Variants in ATAD5 observed in about 807,000 individuals in gnomAD.
The protein encoded by ATAD5 is ATPase family AAA domain containing 5.
A neutral mutation model predicts 176.9 loss-of-function variants in ATAD5; 58 were observed. The ratio of observed to expected loss-of-function variants is 0.33; its 90% confidence interval spans 0.27 to 0.41. ATAD5 has a LOEUF of 0.41. Ranked by LOEUF, ATAD5 falls within the 10% of genes least tolerant of loss-of-function variation. ATAD5 has a pLI of 1.00. For synonymous variants in ATAD5, 640 were observed against 712.6 expected, an observed-to-expected ratio of 0.90 and a Z score of 1.62; for missense variants, 1,789 against 2,094.1, an observed-to-expected ratio of 0.85 and a Z score of 2.84.
At chr17:30,850,833 T>TTATTTATATATATA (rs1906851454) in intron 6 of ATAD5, among the ~76,000 whole-genome samples, 1 of 27,832 alleles carries the variant, frequency 3.6e-5, no homozygotes, top group Admixed American at 5.1e-4. Context: ...TTATATATTT[T>TTATTTATATATATA]TATATATATA....
At chr17:30,865,266 G>C (rs913565354) in intron 10 of ATAD5, among the ~76,000 whole-genome samples, 4 of 150,688 alleles carry the variant, frequency 2.7e-5, no homozygotes, top group Non-Finnish European at 4.4e-5. Context: ...TCCGCCTCCC[G>C]GGTTCACACC....
At chr17:30,841,327 T>C (rs1187174689) in intron 4 of ATAD5, among the ~76,000 whole-genome samples, 1 of 152,166 alleles carries the variant, frequency 6.6e-6, no homozygotes, top group Non-Finnish European at 1.5e-5. Context: ...TCACACAGAA[T>C]TGTTCATTTC....
chr17:30,840,500 T>C, intron 3 of ATAD5, 117 bp from the exon 4 acceptor site: 1 of 777,290 alleles, frequency 1.3e-6, no homozygotes, highest in Non-Finnish European at 1.9e-6. Context: ...CCTGGTAAGA[T>C]TTGAATAACC....
intron 14 of ATAD5, among the ~76,000 whole-genome samples, chr17:30,875,691 G>C (rs140997505): frequency 3.3e-5 from 5 of 151,902 alleles, no homozygotes; most frequent in South Asian, 2.1e-4. Flanking sequence ...CAGCTACTTG[G>C]GGGGCTGGGC....
rs1404353677 is a variant in ATAD5 at position 30,844,846 on chromosome 17, G to A, written c.2380G>A (p.Val794Ile). ...STKNVPGKMK[V>I]APLFLVRKAQ... ...TTTATTTTTCTAAGGAAAAATGAAAGTCGCTCCTTTATTTCTTGTCAGAAA... is the reference window on the plus strand; with the variant it reads ...TTTATTTTTCTAAGGAAAAATGAAAATCGCTCCTTTATTTCTTGTCAGAAA... Residue 794 changes from valine to isoleucine, a missense_variant, in exon 6 of 23, where the codon GTC (valine) becomes ATC (isoleucine). Physicochemically the swap from Val to Ile is conservative, Grantham distance 29. This residue lies in a region of ATAD5 where 487 missense variants were observed against 573.6 expected (regional missense o/e 0.85). Coordinates refer to ENST00000321990, the MANE Select transcript of ATAD5 (RefSeq NM_024857.5). 1 of 1,582,002 alleles carries A rather than the reference G, an allele frequency of 6.3e-7. No homozygotes were observed. The highest frequency in any genetic ancestry group is 8.6e-7 in the Non-Finnish European group (1 of 1,166,332).
At chr17:30,849,201 G>A (rs1906719220) in intron 6 of ATAD5, among the ~76,000 whole-genome samples, 1 of 152,110 alleles carries the variant, frequency 6.6e-6, no homozygotes, top group Non-Finnish European at 1.5e-5. Flanking sequence ...TCATTGTATG[G>A]ATATACCACT....
At position 30,834,999 on chromosome 17, in the gene ATAD5, T is replaced by C. The variant is rs145159038; in HGVS notation, c.918T>C (p.Ser306=). 9.3e-6 allele frequency: 15 copies of C among 1,613,990 alleles called. No individual in the cohort carries two copies. Among genetic ancestry groups the C allele is most frequent in the African/African-American group, 4.0e-5 (3 of 75,052 alleles). Residue 306 remains serine (S), a synonymous_variant, in exon 2 of 23, where the codon AGT becomes AGC. Transcript: ENST00000321990. ...VDEIVKSGYI[S]ESENSEISQQ... is the part of the protein sequence containing the mutation. ...AAATAGTCAAAAGTGGTTATATAAG[T>C]GAATCAGAAAACTCCGAAATTTCCC...
At chr17:30,872,239 A>C (rs961880544) in intron 14 of ATAD5, among the ~76,000 whole-genome samples, 2 of 152,292 alleles carry the variant, frequency 1.3e-5, no homozygotes, top group South Asian at 4.1e-4. Context: ...TTTAAACTGT[A>C]GTAGGCAAAA....
At chr17:30,865,682 A>ATTT (rs761866185) in intron 10 of ATAD5, 22 bp from the exon 11 acceptor site, 36 of 1,163,402 alleles carry the variant, frequency 3.1e-5, no homozygotes, top group Middle Eastern at 2.2e-4. Context: ...GAATACCTTA[A>ATTT]TTTTTTTTTT....
intron 19 of ATAD5, among the ~76,000 whole-genome samples, chr17:30,890,418 C>CTTTTTTTT (rs968126768): frequency 1.4e-3 from 149 of 106,636 alleles, no homozygotes; most frequent in Non-Finnish European, 1.9e-3. Context: ...CTCTTCTTTT[C>CTTTTTTTT]TTTTTTTTTT....
chr17:30,873,310 ATTTC>A (rs768746976), intron 14 of ATAD5, among the ~76,000 whole-genome samples: 23 of 149,082 alleles, frequency 1.5e-4, no homozygotes, highest in Non-Finnish European at 2.8e-4. Context: ...TTGGTGTGAA[ATTTC>A]TTTTTCTTTT....
intron 7 of ATAD5, among the ~76,000 whole-genome samples, chr17:30,856,700 A>G (rs537800680): frequency 6.6e-6 from 1 of 152,342 alleles, no homozygotes; most frequent in Admixed American, 6.5e-5. Flanking sequence ...TAACCTGAGT[A>G]TCAAGGTTGA....
intron 4 of ATAD5, among the ~76,000 whole-genome samples, chr17:30,842,174 C>A (rs1249743708): frequency 6.6e-6 from 1 of 152,018 alleles, no homozygotes; most frequent in Non-Finnish European, 1.5e-5. Context: ...GAGGCTGAGG[C>A]AGAAGAATCA....
At chr17:30,834,099 T>G (rs1364964972) in intron 1 of ATAD5, 49 bp from the exon 2 acceptor site, 2 of 1,369,498 alleles carry the variant, frequency 1.5e-6, no homozygotes, top group Non-Finnish European at 1.9e-6. Flanking sequence ...ATTTATATTT[T>G]GTATTATATT....
At chr17:30,853,189 C>T (rs1907072433) in intron 6 of ATAD5, among the ~76,000 whole-genome samples, 1 of 152,056 alleles carries the variant, frequency 6.6e-6, no homozygotes, top group African/African-American at 2.4e-5. Context: ...TGCGCCTGGC[C>T]TGTATTTCAA....
At chr17:30,865,582 G>A in intron 10 of ATAD5, 122 bp from the exon 11 acceptor site, 2 of 542,706 alleles carry the variant, frequency 3.7e-6, no homozygotes, top group Non-Finnish European at 6.1e-6. Flanking sequence ...CTGGCATTTT[G>A]TAAATATAAA....
At chr17:30,884,812 A>T (rs952600177) in intron 18 of ATAD5, among the ~76,000 whole-genome samples, 7 of 144,672 alleles carry the variant, frequency 4.8e-5, no homozygotes, top group Middle Eastern at 7.8e-3. Flanking sequence ...CAGTGGTGCA[A>T]TCTCGGCTCA....
chr17:30,834,040 G>A (rs991600803), intron 1 of ATAD5, 108 bp from the exon 2 acceptor site: 15 of 963,254 alleles, frequency 1.6e-5, no homozygotes, highest in African/African-American at 1.2e-4. Context: ...CCTAAAGGAG[G>A]CTTCCTTTTT....
intron 3 of ATAD5, among the ~76,000 whole-genome samples, chr17:30,839,375 C>T (rs1905946895): frequency 6.7e-6 from 1 of 149,762 alleles, no homozygotes; most frequent in South Asian, 2.1e-4. Context: ...CACTCTGCTT[C>T]ACGCCATTCT....
Sources: gnomAD v4.1 joint callset for allele counts (sites outside exome capture counted in the v4.1 genomes callset) on GRCh38, gnomAD v4.1.1 for gene constraint, gnomAD v4.1.1 regional missense constraint, MANE v1.5 for transcripts, NCBI Gene and HGNC (gene_info 2026-07-23, HGNC 2026-07-21) for gene names.